Variants in STK10 observed in about 807,000 individuals in gnomAD.
STK10 encodes serine/threonine kinase 10.
A neutral mutation model predicts 113.8 loss-of-function variants in STK10; 78 were observed. The observed-to-expected ratio is 0.69, with a 90% CI of 0.57 to 0.83. The LOEUF (loss-of-function observed/expected upper bound fraction) is 0.83, where lower values mean the gene tolerates loss of function less well. Among genes scored for constraint, STK10 ranks in the 40% least tolerant of loss-of-function variants. The pLI is 0.00. For synonymous variants in STK10, 465 were observed against 494.7 expected, an observed-to-expected ratio of 0.94 and a Z score of 0.80; for missense variants, 1,109 against 1,280.1, an observed-to-expected ratio of 0.87 and a Z score of 2.04.
chr5:172,071,338 T>C (rs1404617577), intron 12 of STK10, among the ~76,000 whole-genome samples: 1 of 22,420 alleles, frequency 4.5e-5, no homozygotes. Context: ...GCAGGATAGG[T>C]AGCAAAAAAA....
rs1026827601 is a variant in STK10, at chr5:172,144,303, A to C, written c.321+12321T>G. 6.6e-5 allele frequency among the ~76,000 whole-genome samples: 10 copies of C among 152,364 alleles called. No individual in the cohort carries two copies. In the East Asian group the frequency reaches 1.5e-3, roughly 24 times the overall value. ...TAGGCTTGTTTCTTCCTGCGGAAGC[A>C]GAGGTAGGCATGACCATCAGCCCCC... is the stretch of plus-strand genomic sequence containing the variant. On this transcript the variant is annotated intron_variant, in intron 2 of 18. Transcript: ENST00000176763.
At chr5:172,124,812 G>A (rs6555997) in intron 3 of STK10, among the ~76,000 whole-genome samples, 139,543 of 152,142 alleles carry the variant, frequency 0.92, 64,307 homozygotes, top group East Asian at 1. Flanking sequence ...GCAACTGCCC[G>A]TAATCTCTCC....
At chr5:172,149,083 C>A (rs1770150335) in intron 2 of STK10, among the ~76,000 whole-genome samples, 1 of 152,142 alleles carries the variant, frequency 6.6e-6, no homozygotes, top group Admixed American at 6.5e-5. Flanking sequence ...GGGAGGATTG[C>A]TTGAGCCTGG....
intron 2 of STK10, among the ~76,000 whole-genome samples, chr5:172,137,699 T>G: frequency 7.4e-6 from 1 of 135,524 alleles, no homozygotes; most frequent in Non-Finnish European, 1.6e-5. Context: ...GCTAACACAG[T>G]GAAATCCCAT....
At chr5:172,155,316 G>A (rs889246505) in intron 2 of STK10, among the ~76,000 whole-genome samples, 14 of 151,982 alleles carry the variant, frequency 9.2e-5, no homozygotes, top group African/African-American at 2.4e-4. Flanking sequence ...TGACCAAGAC[G>A]GTGAAACCCC....
intron 1 of STK10, among the ~76,000 whole-genome samples, chr5:172,175,798 A>G (rs1194404358): frequency 6.6e-6 from 1 of 152,188 alleles, no homozygotes; most frequent in Admixed American, 6.5e-5. Flanking sequence ...TCCTGGCCAG[A>G]AAGATCTGGA....
intron 1 of STK10, among the ~76,000 whole-genome samples, chr5:172,170,924 G>A (rs893990351): frequency 3.3e-5 from 5 of 152,178 alleles, no homozygotes; most frequent in Non-Finnish European, 5.9e-5. Context: ...AGAGGACTCC[G>A]GGGTCCACAG....
At chr5:172,137,630 C>CA (rs1332242435) in intron 2 of STK10, among the ~76,000 whole-genome samples, 1 of 151,048 alleles carries the variant, frequency 6.6e-6, no homozygotes, top group African/African-American at 2.4e-5. Context: ...CCTGTAATCT[C>CA]AGCACTTTGG....
intron 12 of STK10, among the ~76,000 whole-genome samples, chr5:172,070,184 G>A (rs2113713744): frequency 6.6e-6 from 1 of 152,010 alleles, no homozygotes; most frequent in Non-Finnish European, 1.5e-5. Flanking sequence ...GGAGGCAGAG[G>A]TTGCAGTGAG....
At chr5:172,184,869 C>T (rs1770924561) in intron 1 of STK10, among the ~76,000 whole-genome samples, 1 of 152,004 alleles carries the variant, frequency 6.6e-6, no homozygotes, top group Admixed American at 6.6e-5. Flanking sequence ...CCATGTTGCC[C>T]CAGCTGGTCT....
At chr5:172,153,011 G>A (rs1160476766) in intron 2 of STK10, among the ~76,000 whole-genome samples, 1 of 152,168 alleles carries the variant, frequency 6.6e-6, no homozygotes, top group Non-Finnish European at 1.5e-5. Context: ...TATAGGCCTG[G>A]TGCAGTGACT....
chr5:172,044,404 G>C lies in STK10; in HGVS notation c.*478C>G, dbSNP rs570049274. The C allele has an allele frequency of 6.7e-4, 108 of 160,476 alleles. No individual in the cohort carries two copies. The highest frequency in any genetic ancestry group is 2.5e-3 in the African/African-American group (104 of 41,706). The allele number at this position is 160,476 out of a possible 1,614,324, so 9.9% of individuals were successfully genotyped here. A position where few individuals can be genotyped will look rare whatever the true frequency, so the allele number is the denominator to read the frequency against. On this transcript the variant is annotated 3_prime_UTR_variant, in exon 19 of 19. Transcript: ENST00000176763. The surrounding 1 kb of genome is among the most constrained non-coding windows in gnomAD (Gnocchi z 4.5). Reference sequence around the variant, plus strand: ...TGCAGGCCTGGCTCCTCTGGGAACAGAAATGGCTGTGAGGGACTTGATGAT... The same window carrying C: ...TGCAGGCCTGGCTCCTCTGGGAACACAAATGGCTGTGAGGGACTTGATGAT...
At chr5:172,164,374 C>T (rs879678609) in intron 1 of STK10, among the ~76,000 whole-genome samples, 3 of 152,140 alleles carry the variant, frequency 2.0e-5, no homozygotes, top group Non-Finnish European at 2.9e-5. Flanking sequence ...GAAAATCAAA[C>T]TAGGTCTGAG....
chr5:172,059,740 C>T (rs946622774), intron 14 of STK10, among the ~76,000 whole-genome samples: 2 of 152,114 alleles, frequency 1.3e-5, no homozygotes, highest in Non-Finnish European at 2.9e-5. Context: ...ACCATCATCT[C>T]CAGAAAGCCT....
chr5:172,144,792 G>A (rs1770053525), intron 2 of STK10, among the ~76,000 whole-genome samples: 1 of 152,168 alleles, frequency 6.6e-6, no homozygotes, highest in South Asian at 2.1e-4. Context: ...ATGGGGCCGG[G>A]TGGAGGGAGT....
At chr5:172,072,200 C>T (rs1768198130) in intron 12 of STK10, among the ~76,000 whole-genome samples, 1 of 152,136 alleles carries the variant, frequency 6.6e-6, no homozygotes. Flanking sequence ...TGATAAAATT[C>T]AACACCTATT....
chr5:172,053,040 A>T lies in STK10; in HGVS notation c.2655T>A (p.Asn885Lys), dbSNP rs1767665289. 2 of 1,613,760 alleles carry T rather than the reference A, an allele frequency of 1.2e-6. No homozygotes were observed. Among genetic ancestry groups the T allele is most frequent in the Non-Finnish European group, 8.5e-7 (1 of 1,179,844 alleles). Reference protein sequence around the residue: ...SNMSELQQLQNEKCHLLVEHE... With the variant: ...SNMSELQQLQKEKCHLLVEHE... Reference sequence around the variant, plus strand: ...GCTCTACCAGGAGGTGGCACTTTTCATTCTGGAACAGATTCCAGGCAGAAC... The same window carrying T: ...GCTCTACCAGGAGGTGGCACTTTTCTTTCTGGAACAGATTCCAGGCAGAAC... Residue 885 changes from asparagine (N) to lysine (K), a missense_variant and splice_region_variant, in exon 18 of 19, where the codon AAT becomes AAA. Coordinates refer to ENST00000176763, the MANE Select transcript of STK10 (RefSeq NM_005990.4).
chr5:172,126,684 A>C (rs1479366053), intron 3 of STK10, among the ~76,000 whole-genome samples: 3 of 152,252 alleles, frequency 2.0e-5, no homozygotes, highest in Non-Finnish European at 4.4e-5. Context: ...AGGAATGGCC[A>C]CTACTAACAT....
chr5:172,098,017 G>A (rs556755789), intron 7 of STK10, among the ~76,000 whole-genome samples: 3 of 152,248 alleles, frequency 2.0e-5, no homozygotes, highest in Admixed American at 2.0e-4. Context: ...GGTGGGGTGG[G>A]AGGCATCATG....
Sources: allele counts gnomAD v4.1 joint callset (sites outside exome capture counted in the v4.1 genomes callset), GRCh38; gene constraint gnomAD v4.1.1; non-coding constraint Gnocchi (gnomAD v3.1); transcripts MANE v1.5; gene names NCBI Gene and HGNC (gene_info 2026-07-23, HGNC 2026-07-21).